TRIAP1: variants seen among roughly 807,000 people sequenced by gnomAD.
TRIAP1 encodes the protein TP53 regulated inhibitor of apoptosis 1, also known as TP53-regulated inhibitor of apoptosis 1.
In TRIAP1, 8 loss-of-function variants were observed where a neutral mutation model predicts 8.4. The ratio of observed to expected loss-of-function variants is 0.96; its 90% CI spans 0.56 to 1.73. The LOEUF (loss-of-function observed/expected upper bound fraction) is 1.73. TRIAP1 is among the 40% of genes most tolerant of loss of function. The pLI is 0.00. For missense variants in TRIAP1, 90 were observed against 96.9 expected (o/e 0.93, Z 0.30); for synonymous variants, 35 against 34.0 (o/e 1.03, Z -0.10).
At chr12:120,445,211 C>T (rs112148729) in intron 1 of TRIAP1, among the ~76,000 whole-genome samples, 12 of 152,156 alleles carry the variant, frequency 7.9e-5, no homozygotes, top group Non-Finnish European at 1.0e-4. Flanking sequence ...GCCAACATGG[C>T]GAGACCCTGT....
chr12:120,445,322 C>T (rs1389217959), intron 1 of TRIAP1, among the ~76,000 whole-genome samples: 3 of 152,256 alleles, frequency 2.0e-5, no homozygotes, highest in East Asian at 1.9e-4. Flanking sequence ...ACCTGGGAGG[C>T]GGAGGTTGCA....
chr12:120,445,913 C>A (rs547335315), intron 1 of TRIAP1: 1 of 317,868 alleles, frequency 3.1e-6, no homozygotes, highest in East Asian at 6.2e-5. Flanking sequence ...TTAATCACTT[C>A]CTATTTCTGG....
Position 120,444,576 on chromosome 12 carries a change from G to A in TRIAP1, c.*296C>T, listed in dbSNP as rs148509385. 200 of 354,088 alleles carry A rather than the reference G, an allele frequency of 5.6e-4. 1 individual carries two copies. The highest frequency in any genetic ancestry group is 3.9e-3 in the African/African-American group (181 of 46,492). 21.9% of individuals were successfully genotyped at this position (354,088 alleles called of 1,614,324 possible). On this transcript the variant is annotated 3_prime_UTR_variant, in exon 2 of 2. Coordinates refer to ENST00000546954, the MANE Select transcript of TRIAP1 (RefSeq NM_016399.3). ...TGCTCATCCTGACTAGTTTATCATC[G>A]TTTGCATACAAGGTATATTTATGTA...
rs145730860 is a variant in TRIAP1 at position 120,445,991 on chromosome 12, A to G, written c.147+235T>C. ...CTTGCGAGTTTAGGGTGAACACCAA[A>G]TGAACCAAAGGATGTGACTGTGCTT... On this transcript the variant is annotated intron_variant, in intron 1 of 1. Transcript: ENST00000546954. 1.3e-5 allele frequency: 7 copies of G among 555,802 alleles called. No homozygotes were observed. In the East Asian group the frequency reaches 2.2e-4, roughly 17 times the overall value. 34.4% of individuals were successfully genotyped at this position (555,802 alleles called of 1,614,324 possible).
At chr12:120,446,085 G>T (rs921072053) in intron 1 of TRIAP1, 141 bp downstream of exon 1, 2 of 1,228,128 alleles carry the variant, frequency 1.6e-6, no homozygotes, top group Non-Finnish European at 2.2e-6. Context: ...GTGATGGTAG[G>T]GGAGCGAGCT....
In TRIAP1 at chr12:120,446,320, C is replaced by A; in HGVS notation, c.53G>T (p.Cys18Phe). ...CTDMKREYDQ[C>F]FNRWFAEKFL... The stretch of plus-strand genomic sequence containing the variant: ...TTTCTCGGCGAACCAGCGATTGAAG[C>A]ACTGGTCGTACTCGCGCTTCATGTC... The change falls in exon 1 of 2, where the codon TGC becomes TTC. Residue 18 changes from cysteine to phenylalanine, a missense_variant. By Grantham distance (205) the Cys-to-Phe change is radical (BLOSUM62 -2). Coordinates refer to ENST00000546954, the MANE Select transcript of TRIAP1 (RefSeq NM_016399.3). 1 of 1,614,246 alleles carries A rather than the reference C, an allele frequency of 6.2e-7. No homozygotes were observed. The highest frequency in any genetic ancestry group is 1.1e-5 in the South Asian group (1 of 91,086).
intron 1 of TRIAP1, 127 bp downstream of exon 1, chr12:120,446,099 G>C: frequency 7.4e-7 from 1 of 1,357,106 alleles, no homozygotes; most frequent in South Asian, 1.5e-5. Flanking sequence ...GCGAGCTCCT[G>C]CCACTGGCCT....
intron 1 of TRIAP1, among the ~76,000 whole-genome samples, chr12:120,445,576 CTG>C (rs1877828225): frequency 6.6e-6 from 1 of 152,136 alleles, no homozygotes; most frequent in Non-Finnish European, 1.5e-5. Context: ...ATGTGACTAA[CTG>C]TAAATGGGAT....
At chr12:120,445,485 T>C (rs139989989) in intron 1 of TRIAP1, among the ~76,000 whole-genome samples, 14 of 152,334 alleles carry the variant, frequency 9.2e-5, no homozygotes, top group Non-Finnish European at 1.5e-4. Context: ...CCGTTAAAAT[T>C]AAGTGAAATT....
Position 120,444,876 on chromosome 12 carries a change from G to C in TRIAP1, c.227C>G (p.Ser76Cys), listed in dbSNP as rs1284374434. Residue 76 changes from serine (S) to cysteine (C), a missense_variant, in exon 2 of 2, where the codon TCT becomes TGT. Coordinates refer to ENST00000546954, the MANE Select transcript of TRIAP1 (RefSeq NM_016399.3). The part of the protein sequence containing the change: ...GHGKEKPENS[S>C] ...CCTTCAAGGTGACTGTCAAGGTCAA[G>C]AAGAATTTTCAGGCTTTTCTTTGCC... The C allele has an allele frequency of 6.2e-7, 1 of 1,613,210 alleles. No individual in the cohort carries two copies.
intron 1 of TRIAP1, 98 bp downstream of exon 1, chr12:120,446,128 C>A: frequency 6.6e-7 from 1 of 1,505,898 alleles, no homozygotes; most frequent in Non-Finnish European, 8.9e-7. Context: ...CTTTTCTCCA[C>A]CCTTCCAGTC....
chr12:120,444,157 T>C lies in TRIAP1; in HGVS notation c.*715A>G, dbSNP rs1299993029. ...ACTGACTTGGGTTGAGAGCTGGCAA[T>C]AGCAGATCTTTGCAATTTAGGTTCT... is the stretch of plus-strand genomic sequence containing the variant. On this transcript the variant is annotated 3_prime_UTR_variant, in exon 2 of 2. Coordinates refer to ENST00000546954, the MANE Select transcript of TRIAP1 (RefSeq NM_016399.3). 3 of 152,228 alleles carry C rather than the reference T, an allele frequency of 2.0e-5. No homozygotes were observed. The highest frequency in any genetic ancestry group is 4.4e-5 in the Non-Finnish European group (3 of 68,062). 9.4% of individuals were successfully genotyped at this position (152,228 alleles called of 1,614,324 possible).
Position 120,444,617 on chromosome 12 carries a change from C to T in TRIAP1, c.*255G>A. On this transcript the variant is annotated 3_prime_UTR_variant, in exon 2 of 2. Coordinates refer to ENST00000546954, the MANE Select transcript of TRIAP1 (RefSeq NM_016399.3). Reference sequence around the variant, plus strand: ...TATTTATGTAAAGCTGATTCCACGCCAAGTATTGCAACCATAATCTCAAAA... The same window carrying T: ...TATTTATGTAAAGCTGATTCCACGCTAAGTATTGCAACCATAATCTCAAAA... The T allele has an allele frequency of 2.3e-6, 1 of 436,134 alleles. No individual in the cohort carries two copies. The highest frequency in any genetic ancestry group is 2.4e-5 in the South Asian group (1 of 42,536). The allele number at this position is 436,134 out of a possible 1,614,324, so 27.0% of individuals were successfully genotyped here. A position where few individuals can be genotyped will look rare whatever the true frequency, so the allele number is the denominator to read the frequency against.
At chr12:120,446,159 T>TACG in intron 1 of TRIAP1, 67 bp downstream of exon 1, 1 of 1,587,080 alleles carries the variant, frequency 6.3e-7, no homozygotes, top group African/African-American at 1.3e-5. Context: ...CCCCGTAAAA[T>TACG]ACGATGAGTG....
At chr12:120,445,942 TA>T (rs1470740674) in intron 1 of TRIAP1, 17 of 395,036 alleles carry the variant, frequency 4.3e-5, no homozygotes, top group African/African-American at 3.5e-4. Context: ...TTTTTATGTA[TA>T]AAATATGAGT....
Position 120,446,346 on chromosome 12 carries a change from C to G in TRIAP1, c.27G>C (p.Thr9=). The G allele has an allele frequency of 6.2e-7, 1 of 1,614,220 alleles. No individual in the cohort carries two copies. Among genetic ancestry groups the G allele is most frequent in the South Asian group, 1.1e-5 (1 of 91,088 alleles). MNSVGEAC[T]DMKREYDQCF... is the part of the protein sequence containing the mutation. Reference sequence around the variant, plus strand: ...ACTGGTCGTACTCGCGCTTCATGTCCGTGCATGCCTCCCCCACACTGTTCA... The same window carrying G: ...ACTGGTCGTACTCGCGCTTCATGTCGGTGCATGCCTCCCCCACACTGTTCA... The change falls in exon 1 of 2, where the codon ACG becomes ACC. Residue 9 remains threonine, a synonymous_variant. Coordinates refer to ENST00000546954, the MANE Select transcript of TRIAP1 (RefSeq NM_016399.3).
At chr12:120,445,650 G>A (rs149907015) in intron 1 of TRIAP1, among the ~76,000 whole-genome samples, 182 of 152,312 alleles carry the variant, frequency 1.2e-3, no homozygotes, top group African/African-American at 4.3e-3. Context: ...TATTGGAAGT[G>A]CTTTGCCCGG....
In TRIAP1 at chr12:120,444,653, A is replaced by G. The variant is rs1877803527; in HGVS notation, c.*219T>C. ...ACCATAATCTCAAAAAAATTGTTCA[A>G]TTTTAGCACACAGTTCCTGCAAGAT... On this transcript the variant is annotated 3_prime_UTR_variant, in exon 2 of 2. Coordinates refer to ENST00000546954, the MANE Select transcript of TRIAP1 (RefSeq NM_016399.3). The G allele has an allele frequency of 6.0e-6, 3 of 501,142 alleles. No individual in the cohort carries two copies. The highest frequency in any genetic ancestry group is 3.8e-5 in the Admixed American group (1 of 26,644). 31.0% of individuals were successfully genotyped at this position (501,142 alleles called of 1,614,324 possible).
At position 120,444,732 on chromosome 12, in the gene TRIAP1, A is replaced by T. The variant is rs1877805313; in HGVS notation, c.*140T>A. The T allele has an allele frequency of 1.8e-5, 13 of 708,806 alleles. No individual in the cohort carries two copies. The highest frequency in any genetic ancestry group is 1.8e-4 in the South Asian group (11 of 62,576). 43.9% of individuals were successfully genotyped at this position (708,806 alleles called of 1,614,324 possible). A position where few individuals can be genotyped will look rare whatever the true frequency, so the allele number is the denominator to read the frequency against. ...GAGTTCATCTTTTACAACTGAGAGG[A>T]AAACATCGAAGGAGGAAATAAAACT... On this transcript the variant is annotated 3_prime_UTR_variant, in exon 2 of 2. Coordinates refer to ENST00000546954, the MANE Select transcript of TRIAP1 (RefSeq NM_016399.3).
Sources: allele counts gnomAD v4.1 joint callset (sites outside exome capture counted in the v4.1 genomes callset), GRCh38; gene constraint gnomAD v4.1.1; transcripts MANE v1.5; gene names NCBI Gene and HGNC (gene_info 2026-07-23, HGNC 2026-07-21).